MMS22L: variants seen among roughly 807,000 people sequenced by gnomAD.
The protein encoded by MMS22L is MMS22 like, DNA repair protein.
A neutral mutation model predicts 159.1 loss-of-function variants in MMS22L; 74 were observed. That is an observed-to-expected ratio of 0.47 (90% confidence interval 0.39 to 0.56). The LOEUF is 0.56. Ranked by LOEUF, MMS22L falls within the 20% of genes least tolerant of loss-of-function variation. The pLI, the probability that MMS22L is intolerant of heterozygous loss-of-function variation, is 0.00. For missense variants in MMS22L, 1,351 were observed against 1,422.1 expected, an observed-to-expected ratio of 0.95 and a Z score of 0.80; for synonymous variants, 517 against 506.9, an observed-to-expected ratio of 1.02 and a Z score of -0.27.
At chr6:97,251,288 T>C (rs1043602333) in intron 10 of MMS22L, among the ~76,000 whole-genome samples, 1 of 152,168 alleles carries the variant, frequency 6.6e-6, no homozygotes, top group African/African-American at 2.4e-5. Flanking sequence ...TAGGGTGATA[T>C]TTAACCACTG....
At chr6:97,191,846 T>C (rs1249053372) in intron 14 of MMS22L, among the ~76,000 whole-genome samples, 2 of 152,174 alleles carry the variant, frequency 1.3e-5, no homozygotes, top group South Asian at 2.1e-4. Context: ...ACTAAGGTAA[T>C]GGCATTATCA....
chr6:97,263,484 CAGCAGCAGA>C, intron 8 of MMS22L, 36 bp from the exon 9 acceptor site: 1 of 1,123,348 alleles, frequency 8.9e-7, no homozygotes, highest in Non-Finnish European at 1.3e-6. Context: ...ATTTATAAGA[CAGCAGCAGA>C]ATTTTAAATG....
At chr6:97,158,407 G>T (rs1464239594) in intron 22 of MMS22L, among the ~76,000 whole-genome samples, 1 of 152,058 alleles carries the variant, frequency 6.6e-6, no homozygotes, top group Admixed American at 6.6e-5. Context: ...TGATGTTAGG[G>T]TGTCAATTTT....
At chr6:97,147,856 T>C (rs1460553597) in intron 24 of MMS22L, among the ~76,000 whole-genome samples, 1 of 152,108 alleles carries the variant, frequency 6.6e-6, no homozygotes, top group Non-Finnish European at 1.5e-5. Flanking sequence ...AAAAATGGAT[T>C]CCATTAGTTA....
chr6:97,179,971 T>C (rs774340078), intron 16 of MMS22L, among the ~76,000 whole-genome samples: 1 of 152,258 alleles, frequency 6.6e-6, no homozygotes, highest in Non-Finnish European at 1.5e-5. Flanking sequence ...GAAGTAGTCA[T>C]GAACGTATGC....
Position 97,232,720 on chromosome 6 carries a change from C to A in MMS22L, c.1303-1068G>T, listed in dbSNP as rs73760110. Among the ~76,000 whole-genome samples, 266 of 152,202 alleles carry A rather than the reference C, an allele frequency of 1.7e-3. 3 individuals carry two copies. The highest frequency in any genetic ancestry group is 6.2e-3 in the African/African-American group (256 of 41,534). On this transcript the variant is annotated intron_variant, in intron 12 of 24. Transcript: ENST00000683635. Reference sequence around the variant, plus strand: ...AGACTACAATCAGTCATTTCTCCAACTAGCCTAAAATTATGCTTCAGAGAA... The same window carrying A: ...AGACTACAATCAGTCATTTCTCCAAATAGCCTAAAATTATGCTTCAGAGAA...
At chr6:97,226,695 T>A (rs890679798) in intron 14 of MMS22L, among the ~76,000 whole-genome samples, 49 of 152,092 alleles carry the variant, frequency 3.2e-4, no homozygotes, top group Middle Eastern at 7.0e-3. Context: ...AATACATATA[T>A]AGTGTGTGTA....
intron 18 of MMS22L, among the ~76,000 whole-genome samples, chr6:97,176,900 A>G (rs1456170491): frequency 1.3e-5 from 2 of 152,172 alleles, no homozygotes; most frequent in African/African-American, 2.4e-5. Flanking sequence ...GCTAAGTCCT[A>G]TGAATCACAG....
chr6:97,260,852 C>T lies in MMS22L; in HGVS notation c.942+2483G>A, dbSNP rs1172780121. On this transcript the variant is annotated intron_variant, in intron 9 of 24. Coordinates refer to ENST00000683635, the MANE Select transcript of MMS22L (RefSeq NM_001350599.2). ...TACTGAATTTCCTTTCCTTTTCTTTCTTCTTTTTTTTTGGTGGTGGGAGAG... is the reference window on the plus strand; with the variant it reads ...TACTGAATTTCCTTTCCTTTTCTTTTTTCTTTTTTTTTGGTGGTGGGAGAG... 2.6e-5 allele frequency: 4 copies of T among 151,940 alleles called. No individual in the cohort carries two copies. The East Asian group carries it at 7.7e-4, about 29-fold the overall frequency. 9.4% of individuals were successfully genotyped at this position (151,940 alleles called of 1,614,324 possible).
In MMS22L at chr6:97,270,277, A is replaced by G. The variant is rs1265149864; in HGVS notation, c.607-285T>C. The G allele has an allele frequency of 5.5e-6, 3 of 547,168 alleles. No homozygotes were observed. The African/African-American group carries it at 5.6e-5, about 10-fold the overall frequency. The allele number at this position is 547,168 out of a possible 1,614,324, so 33.9% of individuals were successfully genotyped here. A position where few individuals can be genotyped will look rare whatever the true frequency, so the allele number is the denominator to read the frequency against. On this transcript the variant is annotated intron_variant, in intron 6 of 24. Coordinates refer to ENST00000683635, the MANE Select transcript of MMS22L (RefSeq NM_001350599.2). ...TACCTTCCAACCAACCTCTGATTCTACTACAGCTGCAAGGCAGTAAAAGAA... is the reference window on the plus strand; with the variant it reads ...TACCTTCCAACCAACCTCTGATTCTGCTACAGCTGCAAGGCAGTAAAAGAA...
chr6:97,185,062 T>C (rs1805087925), intron 15 of MMS22L, among the ~76,000 whole-genome samples: 1 of 152,116 alleles, frequency 6.6e-6, no homozygotes, highest in Non-Finnish European at 1.5e-5. Context: ...TGGTCTCTCA[T>C]CTCCTTCAGT....
chr6:97,239,864 C>A (rs968493616), intron 11 of MMS22L, among the ~76,000 whole-genome samples: 1 of 152,158 alleles, frequency 6.6e-6, no homozygotes, highest in African/African-American at 2.4e-5. Flanking sequence ...TATAACCACA[C>A]CACTGTACTC....
intron 9 of MMS22L, chr6:97,262,025 A>C (rs1407770846): frequency 1.3e-5 from 2 of 152,228 alleles, no homozygotes; most frequent in African/African-American, 4.8e-5. Flanking sequence ...TCTGAAAAGC[A>C]CCACAGTTAA....
At chr6:97,176,657 T>C (rs954756816) in intron 18 of MMS22L, among the ~76,000 whole-genome samples, 1 of 152,146 alleles carries the variant, frequency 6.6e-6, no homozygotes, top group Non-Finnish European at 1.5e-5. Flanking sequence ...CAGTCCCCAA[T>C]AATAACCATG....
chr6:97,206,532 G>T (rs1022053326), intron 14 of MMS22L, among the ~76,000 whole-genome samples: 1 of 151,944 alleles, frequency 6.6e-6, no homozygotes, highest in Non-Finnish European at 1.5e-5. Context: ...TCTGTTTTAT[G>T]TTCTTATATT....
chr6:97,172,703 T>C (rs1165181797), intron 19 of MMS22L, among the ~76,000 whole-genome samples: 1 of 152,184 alleles, frequency 6.6e-6, no homozygotes, highest in African/African-American at 2.4e-5. Context: ...AAGCGATAGT[T>C]TTCTGATGTT....
In MMS22L at chr6:97,146,724, A is replaced by G. The variant is rs1800939961; in HGVS notation, c.*82T>C. On this transcript the variant is annotated 3_prime_UTR_variant, in exon 25 of 25. Transcript: ENST00000683635. ...ATTATTTTAAACAGAACATTATACA[A>G]TTAATTAAAAGTAGGAATTAGAGTG... is the stretch of plus-strand genomic sequence containing the variant. 6 of 917,178 alleles carry G rather than the reference A, an allele frequency of 6.5e-6. No individual in the cohort carries two copies. Among genetic ancestry groups the G allele is most frequent in the South Asian group, 1.6e-5 (1 of 61,218 alleles). The allele number at this position is 917,178 out of a possible 1,614,324, so 56.8% of individuals were successfully genotyped here. A position where few individuals can be genotyped will look rare whatever the true frequency, so the allele number is the denominator to read the frequency against.
intron 14 of MMS22L, among the ~76,000 whole-genome samples, chr6:97,219,781 C>G (rs929499471): frequency 6.6e-6 from 1 of 152,136 alleles, no homozygotes; most frequent in Non-Finnish European, 1.5e-5. Flanking sequence ...GAAGCAAAGG[C>G]AAAAAGCAAA....
chr6:97,179,651 C>T (rs945024218), intron 16 of MMS22L, 92 bp from the exon 17 acceptor site: 1 of 1,117,364 alleles, frequency 8.9e-7, no homozygotes, highest in East Asian at 2.7e-5. Flanking sequence ...AACATCCCTG[C>T]AACTCCTTGG....
Sources: allele counts gnomAD v4.1 joint callset (sites outside exome capture counted in the v4.1 genomes callset), GRCh38; gene constraint gnomAD v4.1.1; transcripts MANE v1.5; gene names NCBI Gene and HGNC (gene_info 2026-07-23, HGNC 2026-07-21).